GALNT15: variants seen among roughly 807,000 people sequenced by gnomAD.
The protein encoded by GALNT15 is UDP-GalNAc transferase T15.
A neutral mutation model predicts 66.8 loss-of-function variants in GALNT15; 67 were observed. The ratio of observed to expected loss-of-function variants is 1.00; its 90% CI spans 0.82 to 1.23. GALNT15 has a LOEUF of 1.23. Ranked by LOEUF, GALNT15 falls within the 50% of genes most tolerant of loss-of-function variation. The pLI, the probability that GALNT15 is intolerant of heterozygous loss-of-function variation, is 0.00. For synonymous variants in GALNT15, 313 were observed against 311.5 expected (o/e 1.00, Z -0.05); for missense variants, 827 against 804.3 (o/e 1.03, Z -0.34).
At chr3:16,242,182 A>G in the GALNT15 span, among the ~76,000 whole-genome samples, 1 of 152,192 alleles carries the variant, frequency 6.6e-6, no homozygotes, top group Non-Finnish European at 1.5e-5. The surrounding 1 kb of genome is among the most constrained non-coding windows in gnomAD (Gnocchi z 5.6). Context: ...GCTCAAAGCA[A>G]TCACAGGCCA....
chr3:16,212,454 T>G, intron 5 of GALNT15, 115 bp from the exon 6 acceptor site: 1 of 913,956 alleles, frequency 1.1e-6, no homozygotes, highest in Non-Finnish European at 1.7e-6. Flanking sequence ...ATCTTCACCA[T>G]TGAGTGCTCA....
chr3:16,207,699 T>G (rs2063772637), intron 3 of GALNT15, among the ~76,000 whole-genome samples: 2 of 152,044 alleles, frequency 1.3e-5, no homozygotes, highest in South Asian at 2.1e-4. Flanking sequence ...CCAATCCAGT[T>G]TTACACTACA....
chr3:16,200,764 C>T lies in GALNT15; in HGVS notation c.852C>T (p.Ala284=), dbSNP rs555860390. ...ATGDVLVFMD[A]HCECHPGWLE... is the part of the protein sequence containing the mutation. ...GGGATGTGCTCGTCTTCATGGATGCCCACTGCGAGTGCCACCCAGGCTGGC... is the reference window on the plus strand; with the variant it reads ...GGGATGTGCTCGTCTTCATGGATGCTCACTGCGAGTGCCACCCAGGCTGGC... Residue 284 remains alanine (A), a synonymous_variant, in exon 3 of 10, where the codon GCC becomes GCT. Transcript: ENST00000339732. This position sits in a 1 kb window ranked among gnomAD's most constrained non-coding sequence, Gnocchi z 4.4. The T allele has an allele frequency of 1.2e-6, 2 of 1,612,356 alleles. No individual in the cohort carries two copies. The highest frequency in any genetic ancestry group is 1.3e-5 in the African/African-American group (1 of 74,946).
At chr3:16,179,334 C>T (rs114670521) in intron 1 of GALNT15, among the ~76,000 whole-genome samples, 1 of 152,186 alleles carries the variant, frequency 6.6e-6, no homozygotes, top group Non-Finnish European at 1.5e-5. Context: ...CAAAGTCATA[C>T]TCTTAACCAC....
In GALNT15 at chr3:16,224,917, G is replaced by A. The variant is rs970838509; in HGVS notation, c.1773+2159G>A. ...CTCCCAAAGTGCTGGGATTACAAGT[G>A]TGAGCCACCACACCAGGCCTATTAG... On this transcript the variant is annotated intron_variant, in intron 9 of 9. Transcript: ENST00000339732. The surrounding 1 kb of genome is among the most constrained non-coding windows in gnomAD (Gnocchi z 5.2). 4.6e-5 allele frequency among the ~76,000 whole-genome samples: 7 copies of A among 152,096 alleles called. No homozygotes were observed. Among genetic ancestry groups the A allele is most frequent in the Non-Finnish European group, 7.4e-5 (5 of 68,016 alleles).
In GALNT15 at chr3:16,213,881, C is replaced by G. The variant is rs558987850; in HGVS notation, c.1392+1118C>G. On this transcript the variant is annotated intron_variant, in intron 6 of 9. Coordinates refer to ENST00000339732, the MANE Select transcript of GALNT15 (RefSeq NM_054110.5). ...CTGGTCCTCAGGGCGCTGCCTCCTC[C>G]CCATTCTAGATCCAATCCTTTCCCT... is the stretch of plus-strand genomic sequence containing the variant. Among the ~76,000 whole-genome samples, 54 of 152,344 alleles carry G rather than the reference C, an allele frequency of 3.5e-4. 1 individual carries two copies. Among genetic ancestry groups the G allele is most frequent in the African/African-American group, 1.3e-3 (53 of 41,578 alleles).
chr3:16,220,479 G>C (rs1275620801), intron 8 of GALNT15, among the ~76,000 whole-genome samples: 1 of 152,188 alleles, frequency 6.6e-6, no homozygotes, highest in East Asian at 1.9e-4. Context: ...TCATATCTTA[G>C]GAGTAATTCT....
In GALNT15 at chr3:16,209,712, C is replaced by T. The variant is rs2063793258; in HGVS notation, c.1079+1042C>T. Among the ~76,000 whole-genome samples the T allele has an allele frequency of 6.6e-6, 1 of 152,146 alleles. No homozygotes were observed. Among genetic ancestry groups the T allele is most frequent in the African/African-American group, 2.4e-5 (1 of 41,434 alleles). ...TAGCACACTCCTGTAGTCCCAGTTA[C>T]TTGGGAGGCTGAGGCACAAGAATCA... On this transcript the variant is annotated intron_variant, in intron 4 of 9. Transcript: ENST00000339732. The surrounding 1 kb of genome is among the most constrained non-coding windows in gnomAD (Gnocchi z 4.1).
rs1465068008 is a variant in GALNT15 at position 16,182,515 on chromosome 3, G to A, written c.539+6825G>A. 1.3e-5 allele frequency among the ~76,000 whole-genome samples: 2 copies of A among 152,232 alleles called. No homozygotes were observed. The highest frequency in any genetic ancestry group is 1.9e-4 in the East Asian group (1 of 5,198). On this transcript the variant is annotated intron_variant, in intron 1 of 9. Transcript: ENST00000339732. This position sits in a 1 kb window ranked among gnomAD's most constrained non-coding sequence, Gnocchi z 6.1. ...TACACAGGAAGTAAGTAAGGAACAGGGAACTGTCCAGACAAGGTTGAAGGA... is the reference window on the plus strand; with the variant it reads ...TACACAGGAAGTAAGTAAGGAACAGAGAACTGTCCAGACAAGGTTGAAGGA...
Position 16,229,461 on chromosome 3 carries a change from G to C in GALNT15, c.*1961G>C. On this transcript the variant is annotated 3_prime_UTR_variant, in exon 10 of 10. Transcript: ENST00000339732. The stretch of plus-strand genomic sequence containing the variant: ...ATATAGAACATTTCATCACAGTTCT[G>C]TTGGACCAATCTAGATAGATTCATT... The C allele has an allele frequency of 1.0e-6, 1 of 979,730 alleles. No homozygotes were observed. The highest frequency in any genetic ancestry group is 1.2e-6 in the Non-Finnish European group (1 of 824,802). 60.7% of individuals were successfully genotyped at this position (979,730 alleles called of 1,614,324 possible).
At chr3:16,232,171 T>G (rs902751762), downstream of GALNT15, among the ~76,000 whole-genome samples, 2 of 151,920 alleles carry the variant, frequency 1.3e-5, no homozygotes, top group Admixed American at 1.3e-4. Context: ...AGATGGCCCC[T>G]CCTCCCAGCT....
At chr3:16,210,312 A>G (rs936804350) in intron 4 of GALNT15, among the ~76,000 whole-genome samples, 2 of 152,222 alleles carry the variant, frequency 1.3e-5, no homozygotes, top group African/African-American at 4.8e-5. Flanking sequence ...AATCATTACA[A>G]TATCAGTTTT....
At chr3:16,196,730 G>A (rs1383540506) in intron 2 of GALNT15, among the ~76,000 whole-genome samples, 2 of 152,210 alleles carry the variant, frequency 1.3e-5, no homozygotes. Flanking sequence ...GCTGTTTTCT[G>A]TGGACCACAC....
downstream of GALNT15, among the ~76,000 whole-genome samples, chr3:16,232,469 A>AATAAATAT (rs1553689248): frequency 1.4e-3 from 55 of 38,716 alleles, no homozygotes; most frequent in Middle Eastern, 0.029. Context: ...TAAATAAATA[A>AATAAATAT]ATATATATAT....
the GALNT15 span, among the ~76,000 whole-genome samples, chr3:16,242,998 T>C: frequency 2.6e-5 from 4 of 152,070 alleles, 1 homozygote; most frequent in South Asian, 4.1e-4. This position sits in a 1 kb window ranked among gnomAD's most constrained non-coding sequence, Gnocchi z 5.6. Context: ...CTTTGAGCAA[T>C]GGGGTTCGAT....
chr3:16,232,512 T>TATATATATATATATATATATATA (rs56354612), downstream of GALNT15, among the ~76,000 whole-genome samples: 1 of 40,208 alleles, frequency 2.5e-5, no homozygotes, highest in African/African-American at 9.4e-5. Context: ...ATATATATAT[T>TATATATATATATATATATATATA]TATTTAAAAG....
Position 16,203,473 on chromosome 3 carries a change from T to G in GALNT15, c.911+2650T>G, listed in dbSNP as rs576243037. 2.6e-5 allele frequency among the ~76,000 whole-genome samples: 4 copies of G among 151,952 alleles called. No homozygotes were observed. In the South Asian group the frequency reaches 6.3e-4, roughly 24 times the overall value. On this transcript the variant is annotated intron_variant, in intron 3 of 9. Coordinates refer to ENST00000339732, the MANE Select transcript of GALNT15 (RefSeq NM_054110.5). This position sits in a 1 kb window ranked among gnomAD's most constrained non-coding sequence, Gnocchi z 6.2. ...TTCCTCTCCTGTCTGTCTCTGCCTC[T>G]CTACCTCTCTCACGGTCTTTGTCTC... is the stretch of plus-strand genomic sequence containing the variant.
rs1251395967 is a variant in GALNT15 at position 16,176,026 on chromosome 3, GTTCTTC to G, written c.539+338_539+343del. Among the ~76,000 whole-genome samples the G allele has an allele frequency of 2.6e-5, 4 of 152,318 alleles. No homozygotes were observed. The highest frequency in any genetic ancestry group is 9.6e-5 in the African/African-American group (4 of 41,570). On this transcript the variant is annotated intron_variant, in intron 1 of 9. Transcript: ENST00000339732. The surrounding 1 kb of genome is among the most constrained non-coding windows in gnomAD (Gnocchi z 5.6). Reference sequence around the variant, plus strand: ...ATTCTCTTCTCCGTCCTGGGTTCTAGTTCTTCTGTCTTTAGGTCAAATGGCTTTATT... The same window carrying G: ...ATTCTCTTCTCCGTCCTGGGTTCTAGTGTCTTTAGGTCAAATGGCTTTATT...
intron 9 of GALNT15, among the ~76,000 whole-genome samples, chr3:16,223,727 C>A: frequency 7.0e-6 from 1 of 143,414 alleles, no homozygotes; most frequent in East Asian, 2.1e-4. Context: ...GTGTCTCACT[C>A]TGTTACCCAG....
Sources: gnomAD v4.1 joint callset for allele counts (sites outside exome capture counted in the v4.1 genomes callset) on GRCh38, gnomAD v4.1.1 for gene constraint, Gnocchi (gnomAD v3.1) non-coding constraint, MANE v1.5 for transcripts, NCBI Gene and HGNC (gene_info 2026-07-23, HGNC 2026-07-21) for gene names.